NRXN1: variants seen among roughly 807,000 people sequenced by gnomAD.
NRXN1 encodes the protein neurexin 1.
A neutral mutation model predicts 150.9 loss-of-function variants in NRXN1; 39 were observed. That is an observed-to-expected ratio of 0.26 (90% confidence interval 0.20 to 0.34). The LOEUF (loss-of-function observed/expected upper bound fraction) is 0.34, where lower values mean the gene tolerates loss of function less well. NRXN1 is among the 10% of genes least tolerant of loss of function. NRXN1 has a pLI of 1.00. For missense variants in NRXN1, 1,815 were observed against 1,949.9 expected (o/e 0.93, Z 1.30); for synonymous variants, 924 against 757.0 (o/e 1.22, Z -3.62).
Position 51,027,892 on chromosome 2 carries a change from G to C in NRXN1, c.382C>G (p.Leu128Val). ...RIRRQFRNTT[L>V]FIDQVEAKWV... ...TTGGCCTCCACCTGGTCGATGAAGA[G>C]CGTGGTGTTGCGGAACTGGCGGCGG... is the stretch of plus-strand genomic sequence containing the variant. The change falls in exon 2 of 23, where the codon CTC becomes GTC. Residue 128 changes from leucine to valine, a missense_variant. By Grantham distance (32) the Leu-to-Val change is conservative (BLOSUM62 1). This residue lies in a region of NRXN1 where 554 missense variants were observed against 478.8 expected (regional missense o/e 1.16). Coordinates refer to ENST00000401669, the MANE Select transcript of NRXN1 (RefSeq NM_001330078.2). The C allele has an allele frequency of 6.2e-7, 1 of 1,611,282 alleles. No individual in the cohort carries two copies. The highest frequency in any genetic ancestry group is 8.5e-7 in the Non-Finnish European group (1 of 1,179,708).
intron 8 of NRXN1, among the ~76,000 whole-genome samples, chr2:50,612,339 T>C (rs1455945512): frequency 6.6e-6 from 1 of 152,214 alleles, no homozygotes; most frequent in Admixed American, 6.5e-5. Flanking sequence ...AAAAAAGGGC[T>C]AGTAAAGACA....
intron 18 of NRXN1, among the ~76,000 whole-genome samples, chr2:50,233,520 T>C (rs1349760143): frequency 6.6e-6 from 1 of 152,068 alleles, no homozygotes; most frequent in Non-Finnish European, 1.5e-5. Context: ...AATAGCAGTA[T>C]ATATTTCAGC....
chr2:50,620,320 T>A, intron 7 of NRXN1, 137 bp from the exon 8 acceptor site: 1 of 1,048,212 alleles, frequency 9.5e-7, no homozygotes, highest in Non-Finnish European at 1.3e-6. Context: ...TCTGTTTGTT[T>A]GGTTTTTGTT....
chr2:49,965,966 C>A (rs1676895200), intron 21 of NRXN1, among the ~76,000 whole-genome samples: 1 of 152,180 alleles, frequency 6.6e-6, no homozygotes, highest in Admixed American at 6.5e-5. Flanking sequence ...AATTATTTAG[C>A]AGGTTCAGCT....
intron 2 of NRXN1, among the ~76,000 whole-genome samples, chr2:50,929,594 C>A (rs1687432376): frequency 6.6e-6 from 1 of 152,028 alleles, no homozygotes; most frequent in Admixed American, 6.6e-5. Context: ...GTCCCAGATA[C>A]CAGCACTCCA....
intron 17 of NRXN1, among the ~76,000 whole-genome samples, chr2:50,423,004 C>T (rs941139018): frequency 6.6e-6 from 1 of 152,166 alleles, no homozygotes; most frequent in Non-Finnish European, 1.5e-5. Context: ...AAATAAAACC[C>T]AAAGCCTTGA....
chr2:50,057,864 G>T (rs1306701575), intron 19 of NRXN1, among the ~76,000 whole-genome samples: 1 of 152,008 alleles, frequency 6.6e-6, no homozygotes, highest in Non-Finnish European at 1.5e-5. Flanking sequence ...ATTTTTTGAT[G>T]AATTGTCACT....
At chr2:50,768,765 C>T (rs1052434070) in intron 5 of NRXN1, among the ~76,000 whole-genome samples, 37 of 151,838 alleles carry the variant, frequency 2.4e-4, no homozygotes, top group African/African-American at 8.7e-4. Context: ...AAGTTCATAC[C>T]CTTAGTAAAA....
chr2:50,862,074 C>A (rs1014950695), intron 5 of NRXN1, among the ~76,000 whole-genome samples: 1 of 151,592 alleles, frequency 6.6e-6, no homozygotes, highest in African/African-American at 2.4e-5. Flanking sequence ...TGGTGGTGGG[C>A]GCCTGTATTC....
At chr2:49,993,600 C>G (rs920314452) in intron 21 of NRXN1, among the ~76,000 whole-genome samples, 5 of 152,126 alleles carry the variant, frequency 3.3e-5, no homozygotes, top group African/African-American at 1.2e-4. Context: ...ATGCACTACT[C>G]TAGTGGAGGG....
At chr2:50,249,482 T>C (rs1234325884) in intron 17 of NRXN1, among the ~76,000 whole-genome samples, 2 of 152,024 alleles carry the variant, frequency 1.3e-5, no homozygotes, top group Non-Finnish European at 2.9e-5. Context: ...AATTTAAGAA[T>C]AAAAACATCT....
At chr2:50,250,264 C>A (rs1233598004) in intron 17 of NRXN1, among the ~76,000 whole-genome samples, 2 of 151,948 alleles carry the variant, frequency 1.3e-5, no homozygotes, top group African/African-American at 4.8e-5. Context: ...TGCTTGTCTC[C>A]CAAATACTCC....
Position 50,445,011 on chromosome 2 carries a change from A to T in NRXN1, c.3364+20431T>A, listed in dbSNP as rs1363384674. Among the ~76,000 whole-genome samples, 3 of 152,316 alleles carry T rather than the reference A, an allele frequency of 2.0e-5. No homozygotes were observed. The East Asian group carries it at 5.8e-4, about 29-fold the overall frequency. ...GCATTTATAATTTAACACCAAAATA[A>T]CTGGCATGCAGGAAGCACTGTGCCC... On this transcript the variant is annotated intron_variant, in intron 17 of 22. Coordinates refer to ENST00000401669, the MANE Select transcript of NRXN1 (RefSeq NM_001330078.2).
chr2:50,929,540 C>T (rs13000250), intron 2 of NRXN1, among the ~76,000 whole-genome samples: 39,776 of 151,888 alleles, frequency 0.26, 5,854 homozygotes, highest in Non-Finnish European at 0.34. Flanking sequence ...TTCCTTGATT[C>T]CCTCTCTCCT....
chr2:49,996,223 AGG>A (rs1682976293), intron 21 of NRXN1, among the ~76,000 whole-genome samples: 1 of 152,212 alleles, frequency 6.6e-6, no homozygotes, highest in East Asian at 1.9e-4. Flanking sequence ...TAATTCTTAC[AGG>A]GAGGAATTGC....
At chr2:50,525,992 A>AT (rs1334758527) in intron 12 of NRXN1, among the ~76,000 whole-genome samples, 2 of 152,194 alleles carry the variant, frequency 1.3e-5, no homozygotes, top group Non-Finnish European at 2.9e-5. Flanking sequence ...TCAGGTTTGA[A>AT]TACATGTAGC....
At chr2:50,556,514 T>A (rs954676668) in intron 8 of NRXN1, among the ~76,000 whole-genome samples, 4 of 138,364 alleles carry the variant, frequency 2.9e-5, no homozygotes, top group African/African-American at 1.1e-4. Context: ...ATTTTTTTTT[T>A]TTTTTTAAAG....
intron 5 of NRXN1, among the ~76,000 whole-genome samples, chr2:50,775,656 T>G (rs1703530912): frequency 1.3e-5 from 2 of 152,036 alleles, no homozygotes; most frequent in African/African-American, 4.8e-5. Flanking sequence ...TCTGTCCAGG[T>G]GGTTGCTATC....
chr2:50,831,479 G>A (rs1671398635), intron 5 of NRXN1, among the ~76,000 whole-genome samples: 2 of 152,058 alleles, frequency 1.3e-5, no homozygotes, highest in Admixed American at 6.5e-5. Context: ...CCTTACTGTG[G>A]GAGCTAATGA....
Sources: gnomAD v4.1 joint callset for allele counts (sites outside exome capture counted in the v4.1 genomes callset) on GRCh38, gnomAD v4.1.1 for gene constraint, gnomAD v4.1.1 regional missense constraint, MANE v1.5 for transcripts, NCBI Gene and HGNC (gene_info 2026-07-23, HGNC 2026-07-21) for gene names.